Variants in TRAP1 observed in about 807,000 individuals in gnomAD.
The protein encoded by TRAP1 is TNF receptor associated protein 1.
A neutral mutation model predicts 89.1 loss-of-function variants in TRAP1; 102 were observed. That is an observed-to-expected ratio of 1.15 (90% CI 0.98 to 1.35). The LOEUF is 1.35. TRAP1 is among the 40% of genes most tolerant of loss of function. The pLI is 0.00. For synonymous variants in TRAP1, 508 were observed against 388.0 expected (o/e 1.31, Z -3.64); for missense variants, 1,256 against 945.3 (o/e 1.33, Z -4.31).
chr16:3,713,649 A>T (rs1008158932), intron 1 of TRAP1, among the ~76,000 whole-genome samples: 10 of 152,334 alleles, frequency 6.6e-5, no homozygotes, highest in Middle Eastern at 3.4e-3. Flanking sequence ...ACCCTTGGTG[A>T]TTGTGGCAGT....
chr16:3,698,717 G>C (rs947319578), intron 1 of TRAP1, among the ~76,000 whole-genome samples: 3 of 151,936 alleles, frequency 2.0e-5, no homozygotes, highest in African/African-American at 7.3e-5. Context: ...AATTAGCCTG[G>C]GTAACATGGC....
At chr16:3,671,860 C>T in intron 10 of TRAP1, 69 bp from the exon 11 acceptor site, 1 of 1,529,262 alleles carries the variant, frequency 6.5e-7, no homozygotes, top group Non-Finnish European at 9.0e-7. Context: ...TCCCCATTAA[C>T]CTGCCCTTTG....
chr16:3,708,964 C>T (rs1300486188), intron 1 of TRAP1, among the ~76,000 whole-genome samples: 3 of 151,698 alleles, frequency 2.0e-5, no homozygotes, highest in African/African-American at 4.8e-5. Flanking sequence ...TACAGGCGCC[C>T]GCCACCATGC....
At chr16:3,664,681 C>G in intron 12 of TRAP1, 1 of 534,250 alleles carries the variant, frequency 1.9e-6, no homozygotes, top group Non-Finnish European at 3.3e-6. Context: ...ACCTCCTGCC[C>G]CAGGTGGCCC....
At position 3,685,844 on chromosome 16, in the gene TRAP1, T is replaced by C; in HGVS notation, c.471+152A>G. The C allele has an allele frequency of 4.0e-6, 4 of 998,998 alleles. No homozygotes were observed. The South Asian group carries it at 8.6e-5, about 21-fold the overall frequency. 61.9% of individuals were successfully genotyped at this position (998,998 alleles called of 1,614,324 possible). The stretch of plus-strand genomic sequence containing the variant: ...CTTTTCCAAAATTTTCTATAATGAA[T>C]GAGTGCTACTGTAACACTAAATTAT... On this transcript the variant is annotated intron_variant, in intron 4 of 17. Transcript: ENST00000246957.
At chr16:3,685,202 C>T (rs796394087) in intron 4 of TRAP1, among the ~76,000 whole-genome samples, 5 of 152,308 alleles carry the variant, frequency 3.3e-5, no homozygotes, top group African/African-American at 1.2e-4. Flanking sequence ...AGAAGAAACC[C>T]ACTCCCCACC....
rs184574555 is a variant in TRAP1, at chr16:3,666,134, G to T, written c.1236-16C>A. 3.7e-6 allele frequency: 6 copies of T among 1,607,950 alleles called. No individual in the cohort carries two copies. The East Asian group carries it at 1.3e-4, about 36-fold the overall frequency. ...CCGGAGTTTCCTACAGAAAAGAAATGCATTTAATACATACAAGCAGCCTCT... is the reference window on the plus strand; with the variant it reads ...CCGGAGTTTCCTACAGAAAAGAAATTCATTTAATACATACAAGCAGCCTCT... On this transcript the variant is annotated splice_polypyrimidine_tract_variant and intron_variant, in intron 11 of 17. Coordinates refer to ENST00000246957, the MANE Select transcript of TRAP1 (RefSeq NM_016292.3).
intron 16 of TRAP1, 137 bp from the exon 17 acceptor site, chr16:3,659,002 A>T (rs776567965): frequency 4.9e-6 from 4 of 814,378 alleles, no homozygotes; most frequent in Non-Finnish European, 7.9e-6. Flanking sequence ...TATGTTAATG[A>T]TCATTTATAG....
At chr16:3,702,238 C>T (rs1006976232) in intron 1 of TRAP1, among the ~76,000 whole-genome samples, 15 of 151,692 alleles carry the variant, frequency 9.9e-5, no homozygotes, top group Admixed American at 8.5e-4. Context: ...GTCTAGGGGC[C>T]TCTTAGGAGC....
chr16:3,709,534 C>T (rs919112642), intron 1 of TRAP1, among the ~76,000 whole-genome samples: 6 of 152,148 alleles, frequency 3.9e-5, no homozygotes, highest in Non-Finnish European at 7.3e-5. Context: ...AAAACATCCT[C>T]GCTATGGAAT....
At chr16:3,658,921 C>CCTTCATGTTTT in intron 16 of TRAP1, 56 bp from the exon 17 acceptor site, 3 of 1,571,710 alleles carry the variant, frequency 1.9e-6, no homozygotes, top group Non-Finnish European at 2.6e-6. Flanking sequence ...TGTGACCCTC[C>CCTTCATGTTTT]CTTCATGTTT....
intron 16 of TRAP1, chr16:3,660,954 TG>T (rs5815176): frequency 0.36 from 55,062 of 151,448 alleles, 11,459 homozygotes; most frequent in East Asian, 0.55. Context: ...GGCTACATTG[TG>T]GGGGGGGTGG....
intron 16 of TRAP1, chr16:3,660,682 G>A (rs1274871003): frequency 1.3e-5 from 2 of 152,204 alleles, no homozygotes; most frequent in Admixed American, 1.3e-4. Context: ...CTAGGAAGAT[G>A]CATCTCCCTC....
intron 6 of TRAP1, chr16:3,676,840 G>A (rs1266728012): frequency 6.6e-6 from 1 of 152,424 alleles, no homozygotes; most frequent in Non-Finnish European, 1.5e-5. Flanking sequence ...CAGATCACCT[G>A]AGGTCGGGGT....
rs1003028306 is a variant in TRAP1, at chr16:3,665,903, C to T, written c.1383+68G>A. 7.7e-6 allele frequency: 12 copies of T among 1,560,502 alleles called. No individual in the cohort carries two copies. The Admixed American group carries it at 1.2e-4, about 15-fold the overall frequency. ...CCGTCGCCACATCAGGGGACACCTC[C>T]ACCAGCTTCCTCAGCAGCCCCAGGG... On this transcript the variant is annotated intron_variant, in intron 12 of 17. Transcript: ENST00000246957.
chr16:3,711,812 T>G (rs2051535606), intron 1 of TRAP1, among the ~76,000 whole-genome samples: 1 of 152,170 alleles, frequency 6.6e-6, no homozygotes, highest in African/African-American at 2.4e-5. Flanking sequence ...CTTTGTGGAC[T>G]AAGAGCAGCT....
chr16:3,696,699 G>A (rs2051291876), intron 1 of TRAP1, among the ~76,000 whole-genome samples: 1 of 151,976 alleles, frequency 6.6e-6, no homozygotes, highest in South Asian at 2.1e-4. Context: ...TGGGACTATA[G>A]GCCGTGTATT....
intron 17 of TRAP1, 169 bp downstream of exon 17, chr16:3,658,624 G>T (rs1015764152): frequency 6.1e-6 from 4 of 657,264 alleles, no homozygotes; most frequent in Non-Finnish European, 1.0e-5. Context: ...AGTGAGCCAA[G>T]ATCGCGCCAC....
At chr16:3,672,147 C>A (rs891123013) in intron 10 of TRAP1, among the ~76,000 whole-genome samples, 2 of 152,116 alleles carry the variant, frequency 1.3e-5, no homozygotes, top group African/African-American at 4.8e-5. Flanking sequence ...ACCAGCCCGG[C>A]AATTATGGTG....
Sources: gnomAD v4.1 joint callset for allele counts (sites outside exome capture counted in the v4.1 genomes callset) on GRCh38, gnomAD v4.1.1 for gene constraint, MANE v1.5 for transcripts, NCBI Gene and HGNC (gene_info 2026-07-23, HGNC 2026-07-21) for gene names.